Variants in CDH18 observed in about 807,000 individuals in gnomAD.
CDH18 encodes the protein cadherin-18.
A neutral mutation model predicts 67.9 loss-of-function variants in CDH18; 31 were observed. That is an observed-to-expected ratio of 0.46 (90% CI 0.34 to 0.62). The LOEUF (loss-of-function observed/expected upper bound fraction) is 0.62, where lower values mean the gene tolerates loss of function less well. Ranked by LOEUF, CDH18 falls within the 20% of genes least tolerant of loss-of-function variation. The pLI is 0.01. For synonymous variants in CDH18, 362 were observed against 347.2 expected, an observed-to-expected ratio of 1.04 and a Z score of -0.48; for missense variants, 890 against 975.5, an observed-to-expected ratio of 0.91 and a Z score of 1.17.
At chr5:20,414,855 T>C (rs1427925785) in intron 1 of CDH18, among the ~76,000 whole-genome samples, 3 of 152,124 alleles carry the variant, frequency 2.0e-5, no homozygotes, top group Admixed American at 2.0e-4. Context: ...GCTGAGGGTC[T>C]AGAGAAATTG....
intron 10 of CDH18, among the ~76,000 whole-genome samples, chr5:19,515,452 CATG>C (rs201382731): frequency 0.28 from 41,921 of 151,332 alleles, 5,778 homozygotes; most frequent in South Asian, 0.38. Flanking sequence ...TGGCCATTTT[CATG>C]ATATTGATTC....
chr5:19,643,158 G>T (rs1223197574), intron 5 of CDH18, among the ~76,000 whole-genome samples: 1 of 151,984 alleles, frequency 6.6e-6, no homozygotes, highest in Non-Finnish European at 1.5e-5. Flanking sequence ...TCTTAGAATG[G>T]CCAGTCACTG....
chr5:19,517,787 C>A (rs569817635), intron 10 of CDH18, among the ~76,000 whole-genome samples: 2 of 151,958 alleles, frequency 1.3e-5, no homozygotes, highest in African/African-American at 4.8e-5. Context: ...AATTGAAAAA[C>A]TTTTATATTA....
At chr5:20,568,916 C>T (rs1031331082) in intron 1 of CDH18, among the ~76,000 whole-genome samples, 1 of 152,154 alleles carries the variant, frequency 6.6e-6, no homozygotes, top group African/African-American at 2.4e-5. Flanking sequence ...AAATCTCTAA[C>T]TCGGATTTTC....
At chr5:20,065,995 G>T (rs1017850785) in intron 2 of CDH18, among the ~76,000 whole-genome samples, 38 of 152,040 alleles carry the variant, frequency 2.5e-4, no homozygotes, top group African/African-American at 9.2e-4. Context: ...TATTTTTATT[G>T]ATGACATTTT....
intron 1 of CDH18, among the ~76,000 whole-genome samples, chr5:20,434,609 T>C (rs975113222): frequency 6.6e-6 from 1 of 151,998 alleles, no homozygotes; most frequent in African/African-American, 2.4e-5. Flanking sequence ...AAATGGCATT[T>C]TGGAACTGTC....
chr5:19,923,043 G>C (rs1792680046), intron 2 of CDH18, among the ~76,000 whole-genome samples: 1 of 152,052 alleles, frequency 6.6e-6, no homozygotes, highest in Non-Finnish European at 1.5e-5. Flanking sequence ...TATCCGGTCA[G>C]ACCTATGATT....
intron 5 of CDH18, among the ~76,000 whole-genome samples, chr5:19,647,370 CA>C (rs5866389): frequency 0.56 from 82,628 of 147,458 alleles, 26,060 homozygotes; most frequent in South Asian, 0.75. Context: ...AAAATAACAA[CA>C]AAAAAAAAAT....
chr5:19,923,505 G>T (rs943973690), intron 2 of CDH18, among the ~76,000 whole-genome samples: 1 of 152,014 alleles, frequency 6.6e-6, no homozygotes, highest in African/African-American at 2.4e-5. Flanking sequence ...GATTTAATTT[G>T]CTTTTCCATT....
At chr5:19,704,908 CA>C (rs1763746797) in intron 5 of CDH18, among the ~76,000 whole-genome samples, 1 of 152,090 alleles carries the variant, frequency 6.6e-6, no homozygotes, top group Admixed American at 6.6e-5. Context: ...GTTATAAGCC[CA>C]AAAAATTGGC....
In CDH18 at chr5:19,858,559, A is replaced by G. The variant is rs140935635; in HGVS notation, c.-256-19317T>C. 3.2e-3 allele frequency among the ~76,000 whole-genome samples: 495 copies of G among 152,332 alleles called. 6 individuals are homozygous for G. Among genetic ancestry groups the G allele is most frequent in the Admixed American group, 0.019 (290 of 15,292 alleles). On this transcript the variant is annotated intron_variant, in intron 2 of 12. Transcript: ENST00000382275. ...TTTCCTCATGGGTATTGTATTAGGA[A>G]TCTCTGGTTATCAGAACTAAGCAGA...
chr5:20,226,795 T>C (rs1404782396), intron 2 of CDH18, among the ~76,000 whole-genome samples: 6 of 152,014 alleles, frequency 3.9e-5, no homozygotes, highest in Non-Finnish European at 8.8e-5. Flanking sequence ...TGGAAATATA[T>C]AAACTGTTTA....
chr5:20,224,029 T>C (rs1285749805), intron 2 of CDH18, among the ~76,000 whole-genome samples: 3 of 152,210 alleles, frequency 2.0e-5, no homozygotes, highest in Non-Finnish European at 2.9e-5. Context: ...CTTTTTATAT[T>C]AAGTCTTTAT....
chr5:20,373,171 TA>T (rs1743145436), intron 1 of CDH18, among the ~76,000 whole-genome samples: 1 of 152,200 alleles, frequency 6.6e-6, no homozygotes, highest in African/African-American at 2.4e-5. Context: ...CTCCGATGCC[TA>T]AAACAATTTA....
chr5:20,287,977 G>A (rs905763914), intron 1 of CDH18, among the ~76,000 whole-genome samples: 4 of 151,606 alleles, frequency 2.6e-5, no homozygotes, highest in African/African-American at 7.3e-5. Flanking sequence ...TGTATAAAGC[G>A]TTGCATAATC....
intron 1 of CDH18, among the ~76,000 whole-genome samples, chr5:20,471,833 T>TTAAAAAAAAAAAAAAAAAAAAAA (rs757184101): frequency 1.6e-4 from 8 of 51,488 alleles, no homozygotes; most frequent in African/African-American, 5.2e-4. Flanking sequence ...AGATTCAGTC[T>TTAAAAAAAAAAAAAAAAAAAAAA]AAAAAAAAAA....
At chr5:20,402,705 G>A (rs574235139) in intron 1 of CDH18, among the ~76,000 whole-genome samples, 1 of 152,180 alleles carries the variant, frequency 6.6e-6, no homozygotes, top group African/African-American at 2.4e-5. Flanking sequence ...TCGCTGCAAA[G>A]GGCCTTGCCT....
rs1018768797 is a variant in CDH18, at chr5:20,573,912, T to C, written c.-580+1550A>G. ...TAAAAGAAATATATATATGTATTTA[T>C]ATATATAAAAGAAATATATATATAT... On this transcript the variant is annotated intron_variant, in intron 1 of 14. Transcript: ENST00000507958. Among the ~76,000 whole-genome samples the C allele has an allele frequency of 4.3e-3, 535 of 124,864 alleles. 6 individuals are homozygous for C. The highest frequency in any genetic ancestry group is 0.017 in the African/African-American group (495 of 28,298). The allele number at this position is 124,864 out of a possible 152,430, so 81.9% of individuals were successfully genotyped here. A position where few individuals can be genotyped will look rare whatever the true frequency, so the allele number is the denominator to read the frequency against.
At chr5:19,608,850 T>A (rs1008303288) in intron 6 of CDH18, among the ~76,000 whole-genome samples, 1 of 151,884 alleles carries the variant, frequency 6.6e-6, no homozygotes, top group Non-Finnish European at 1.5e-5. Context: ...AAAGGTTGAT[T>A]CATTGTGATT....
Sources: gnomAD v4.1 joint callset for allele counts (sites outside exome capture counted in the v4.1 genomes callset) on GRCh38, gnomAD v4.1.1 for gene constraint, MANE v1.5 for transcripts, NCBI Gene and HGNC (gene_info 2026-07-23, HGNC 2026-07-21) for gene names.